FBXW10B: variants seen among roughly 807,000 people sequenced by gnomAD.
FBXW10B encodes F-box and WD repeat domain containing protein 10B.
the FBXW10B span, among the ~76,000 whole-genome samples, chr17:15,591,358 C>T: frequency 3.9e-5 from 6 of 152,228 alleles, no homozygotes; most frequent in South Asian, 2.1e-4. Context: ...GGTGCGATCT[C>T]GGCTCACTGC....
chr17:15,602,025 T>C, the FBXW10B span, among the ~76,000 whole-genome samples: 1 of 149,942 alleles, frequency 6.7e-6, no homozygotes, highest in African/African-American at 2.5e-5. Flanking sequence ...GGCAGGAGAA[T>C]GGCATGATCA....
At chr17:15,583,407 C>T in the FBXW10B span, among the ~76,000 whole-genome samples, 12 of 146,818 alleles carry the variant, frequency 8.2e-5, no homozygotes, top group East Asian at 2.4e-3. Flanking sequence ...CTGACTGCCC[C>T]GTGTTCCCTG....
At chr17:15,596,164 G>A in the FBXW10B span, among the ~76,000 whole-genome samples, 1 of 152,016 alleles carries the variant, frequency 6.6e-6, no homozygotes, top group Non-Finnish European at 1.5e-5. Context: ...GGGATTACAG[G>A]TGTGAGCCAC....
chr17:15,590,128 C>T, the FBXW10B span, among the ~76,000 whole-genome samples: 2 of 148,746 alleles, frequency 1.3e-5, no homozygotes, highest in Non-Finnish European at 1.5e-5. Flanking sequence ...GCATCCTTCG[C>T]GGCTGAATTC....
the FBXW10B span, among the ~76,000 whole-genome samples, chr17:15,601,049 CAAA>C: frequency 9.9e-4 from 28 of 28,258 alleles, no homozygotes; most frequent in East Asian, 0.023. Context: ...GACTCCATCT[CAAA>C]AAAAAAAAAA....
chr17:15,589,031 G>A, the FBXW10B span: 1 of 1,609,628 alleles, frequency 6.2e-7, no homozygotes, highest in South Asian at 1.1e-5. Context: ...GCTGTGGTTG[G>A]GGCCATCCCG....
At chr17:15,602,125 A>G in the FBXW10B span, among the ~76,000 whole-genome samples, 15 of 152,052 alleles carry the variant, frequency 9.9e-5, 1 homozygote, top group East Asian at 2.9e-3. Flanking sequence ...AAAAAAAAAA[A>G]AAGAAAAGTG....
chr17:15,619,124 T>G, the FBXW10B span: 1 of 1,614,024 alleles, frequency 6.2e-7, no homozygotes, highest in African/African-American at 1.3e-5. Context: ...CTTGGTCCAC[T>G]GGGTGCTGTT....
chr17:15,584,184 A>C, the FBXW10B span, among the ~76,000 whole-genome samples: 21 of 152,336 alleles, frequency 1.4e-4, no homozygotes, highest in South Asian at 4.4e-3. Context: ...TGATTTTTAA[A>C]AATGGAAAAA....
the FBXW10B span, chr17:15,571,368 AT>A: frequency 4.6e-5 from 7 of 152,068 alleles, no homozygotes; most frequent in Non-Finnish European, 8.8e-5. Flanking sequence ...TGCGTAAAAG[AT>A]TTAAATAGGC....
chr17:15,580,823 G>A, the FBXW10B span, among the ~76,000 whole-genome samples: 1,260 of 152,016 alleles, frequency 8.3e-3, 13 homozygotes, highest in African/African-American at 0.029. Flanking sequence ...TCTAGGCAAT[G>A]AGAAATTTTA....
the FBXW10B span, among the ~76,000 whole-genome samples, chr17:15,598,160 G>A: frequency 6.6e-6 from 1 of 152,056 alleles, no homozygotes; most frequent in African/African-American, 2.4e-5. Flanking sequence ...TCAGTAAATG[G>A]CAGCCGTTGT....
chr17:15,618,955 C>T, the FBXW10B span: 16 of 1,586,094 alleles, frequency 1.0e-5, no homozygotes, highest in South Asian at 1.6e-4. Flanking sequence ...TTTCTGAAGC[C>T]TTGCCTTCTG....
At chr17:15,596,493 G>T in the FBXW10B span, 1 of 1,554,260 alleles carries the variant, frequency 6.4e-7, no homozygotes, top group Non-Finnish European at 8.7e-7. Context: ...TTTCCGCCAA[G>T]GTAGCCCACT....
chr17:15,573,046 C>T, the FBXW10B span: 1 of 152,140 alleles, frequency 6.6e-6, no homozygotes, highest in Non-Finnish European at 1.5e-5. Context: ...TCTTCTGTTA[C>T]TCAGCTCAAA....
chr17:15,569,310 T>A, the FBXW10B span, among the ~76,000 whole-genome samples: 2 of 152,142 alleles, frequency 1.3e-5, no homozygotes, highest in East Asian at 3.8e-4. Context: ...CTTCATTTTT[T>A]ATGATAACAA....
the FBXW10B span, chr17:15,569,002 C>T: frequency 8.2e-7 from 1 of 1,214,500 alleles, no homozygotes; most frequent in Non-Finnish European, 1.0e-6. Context: ...TTCCACTCAA[C>T]TGGCAGATAG....
At chr17:15,596,322 G>A in the FBXW10B span, 6 of 334,420 alleles carry the variant, frequency 1.8e-5, no homozygotes, top group Non-Finnish European at 2.6e-5. Flanking sequence ...GTCATGATGT[G>A]GGCGGTGGAG....
the FBXW10B span, among the ~76,000 whole-genome samples, chr17:15,595,112 C>T: frequency 0.17 from 25,629 of 151,972 alleles, 2,354 homozygotes; most frequent in Admixed American, 0.25. Context: ...GAGGCCGAGG[C>T]GGGCGGATCA....
Sources: allele counts gnomAD v4.1 joint callset (sites outside exome capture counted in the v4.1 genomes callset), GRCh38; gene constraint gnomAD v4.1.1; transcripts MANE v1.5; gene names NCBI Gene and HGNC (gene_info 2026-07-23, HGNC 2026-07-21).